CDH13: variants seen among roughly 807,000 people sequenced by gnomAD.
CDH13 encodes the protein cadherin-13.
A neutral mutation model predicts 63.8 loss-of-function variants in CDH13; 24 were observed. The ratio of observed to expected loss-of-function variants is 0.38; its 90% CI spans 0.27 to 0.53. The LOEUF (loss-of-function observed/expected upper bound fraction) is 0.53, where lower values mean the gene tolerates loss of function less well. Ranked by LOEUF, CDH13 falls within the 20% of genes least tolerant of loss-of-function variation. The probability of loss-of-function intolerance (pLI) is 0.85; values close to 1 mark genes in which losing one functional copy is unlikely to be tolerated. For synonymous variants in CDH13, 503 were observed against 355.3 expected, an observed-to-expected ratio of 1.42 and a Z score of -4.67; for missense variants, 1,049 against 903.1, an observed-to-expected ratio of 1.16 and a Z score of -2.07.
intron 2 of CDH13, among the ~76,000 whole-genome samples, chr16:83,023,767 A>G (rs1378045433): frequency 2.6e-5 from 4 of 152,198 alleles, no homozygotes; most frequent in African/African-American, 9.7e-5. Context: ...AACATGAAAC[A>G]CAATGCAGGG....
intron 1 of CDH13, among the ~76,000 whole-genome samples, chr16:82,646,886 T>TC (rs1250157564): frequency 2.6e-5 from 4 of 152,100 alleles, no homozygotes; most frequent in Non-Finnish European, 5.9e-5. Context: ...CACAGCACGT[T>TC]CAGGGGGTAA....
chr16:83,478,017 T>TA (rs1421985335), intron 6 of CDH13, among the ~76,000 whole-genome samples: 4 of 151,692 alleles, frequency 2.6e-5, no homozygotes, highest in Non-Finnish European at 5.9e-5. Context: ...TCATCTCTAC[T>TA]AAAAATATAA....
chr16:83,562,964 G>A (rs1299160132), intron 7 of CDH13, among the ~76,000 whole-genome samples: 1 of 152,178 alleles, frequency 6.6e-6, no homozygotes, highest in Non-Finnish European at 1.5e-5. Context: ...GCTGGTAGAG[G>A]GACAAGTCCC....
Position 83,074,326 on chromosome 16 carries a change from C to G in CDH13, c.366+42108C>G, listed in dbSNP as rs538553684. 4.6e-5 allele frequency among the ~76,000 whole-genome samples: 7 copies of G among 152,214 alleles called. No homozygotes were observed. In the South Asian group the frequency reaches 1.5e-3, roughly 32 times the overall value. ...TTGCAGCAAATAATATGATTTCGTTCTTTTTTATAGCCAAATAGTATTTCA... is the reference window on the plus strand; with the variant it reads ...TTGCAGCAAATAATATGATTTCGTTGTTTTTTATAGCCAAATAGTATTTCA... On this transcript the variant is annotated intron_variant, in intron 3 of 13. Transcript: ENST00000567109.
intron 1 of CDH13, among the ~76,000 whole-genome samples, chr16:82,662,573 C>T (rs760250193): frequency 2.6e-5 from 4 of 152,144 alleles, no homozygotes; most frequent in Non-Finnish European, 4.4e-5. Context: ...TAAATCCATC[C>T]CCACCACTAT....
chr16:82,766,562 C>G (rs1252822963), intron 1 of CDH13, among the ~76,000 whole-genome samples: 1 of 152,208 alleles, frequency 6.6e-6, no homozygotes. Context: ...TTCATTATCT[C>G]TCTCCTGAGG....
chr16:83,506,024 G>A (rs2074386909), intron 7 of CDH13, among the ~76,000 whole-genome samples: 1 of 152,202 alleles, frequency 6.6e-6, no homozygotes, highest in Non-Finnish European at 1.5e-5. Flanking sequence ...CAGGGAATGG[G>A]TAGAAGTGGA....
chr16:83,681,361 T>C (rs1004307601), intron 10 of CDH13, among the ~76,000 whole-genome samples: 2 of 152,168 alleles, frequency 1.3e-5, no homozygotes, highest in Non-Finnish European at 2.9e-5. Context: ...CCTAGCTGAG[T>C]GATGGCAGGA....
chr16:83,244,476 G>A (rs6565164), intron 5 of CDH13, among the ~76,000 whole-genome samples: 150,803 of 152,266 alleles, frequency 0.99, 74,699 homozygotes, highest in Middle Eastern at 1. Context: ...AACTGTGCTC[G>A]GTGTTTAACA....
rs530084081 is a variant in CDH13, at chr16:83,230,562, G to C, written c.636+13065G>C. 7.9e-5 allele frequency among the ~76,000 whole-genome samples: 12 copies of C among 152,320 alleles called. No homozygotes were observed. The South Asian group carries it at 2.5e-3, about 32-fold the overall frequency. On this transcript the variant is annotated intron_variant, in intron 5 of 13. Transcript: ENST00000567109. ...GCACTTTGGGAGGCCGAGGCTGGAA[G>C]ATCACCTGAGGTCAGGAGTTTGAGA...
At chr16:82,930,721 TTAAAA>T (rs1267397733) in intron 2 of CDH13, among the ~76,000 whole-genome samples, 4 of 152,150 alleles carry the variant, frequency 2.6e-5, no homozygotes, top group Non-Finnish European at 4.4e-5. Flanking sequence ...AACTAAGCAC[TTAAAA>T]TTAAAGCTAT....
intron 1 of CDH13, among the ~76,000 whole-genome samples, chr16:82,692,480 C>A (rs1915739909): frequency 6.6e-6 from 1 of 151,856 alleles, no homozygotes; most frequent in African/African-American, 2.4e-5. Context: ...CTTTATAAAA[C>A]CATCAGATCT....
At chr16:82,839,026 A>G (rs989705853) in intron 1 of CDH13, among the ~76,000 whole-genome samples, 6 of 152,256 alleles carry the variant, frequency 3.9e-5, no homozygotes, top group East Asian at 3.9e-4. Context: ...AGGTAAACCA[A>G]TGAGCATGGT....
rs567333858 is a variant in CDH13, at chr16:82,764,815, CT to C, written c.46-93531del. Among the ~76,000 whole-genome samples, 1,265 of 135,210 alleles carry C rather than the reference CT, an allele frequency of 9.4e-3. 8 individuals are homozygous for C. Among genetic ancestry groups the C allele is most frequent in the African/African-American group, 0.027 (1,010 of 36,946 alleles). The allele number at this position is 135,210 out of a possible 152,430, so 88.7% of individuals were successfully genotyped here. On this transcript the variant is annotated intron_variant, in intron 1 of 13. Coordinates refer to ENST00000567109, the MANE Select transcript of CDH13 (RefSeq NM_001257.5). Reference sequence around the variant, plus strand: ...TTCATCTTCATTCATTTCATTCATTCTTTTTTTTTTTTTTTTGAGATGGAGT... The same window carrying C: ...TTCATCTTCATTCATTTCATTCATTCTTTTTTTTTTTTTTTGAGATGGAGT...
intron 2 of CDH13, among the ~76,000 whole-genome samples, chr16:82,878,287 C>T (rs1189935464): frequency 2.0e-5 from 3 of 151,896 alleles, no homozygotes; most frequent in Non-Finnish European, 4.4e-5. Flanking sequence ...TTAGAAAGCC[C>T]TTTGCTCTCT....
At chr16:82,986,628 T>G (rs563530979) in intron 2 of CDH13, among the ~76,000 whole-genome samples, 2 of 152,324 alleles carry the variant, frequency 1.3e-5, no homozygotes, top group South Asian at 4.1e-4. Context: ...CCTGTGTCTC[T>G]TATTTTTCTA....
Position 83,030,611 on chromosome 16 carries a change from C to T in CDH13, c.158-1399C>T, listed in dbSNP as rs545386994. ...TCAGCCAAGATCGCGCCACTGCACT[C>T]CAGTCTGGATGACAGAGCAAGACTC... On this transcript the variant is annotated intron_variant, in intron 2 of 13. Transcript: ENST00000567109. Among the ~76,000 whole-genome samples, 24 of 142,800 alleles carry T rather than the reference C, an allele frequency of 1.7e-4. No individual in the cohort carries two copies. In the Middle Eastern group the frequency reaches 0.011, roughly 67 times the overall value. 93.7% of individuals were successfully genotyped at this position (142,800 alleles called of 152,430 possible). A position where few individuals can be genotyped will look rare whatever the true frequency, so the allele number is the denominator to read the frequency against.
Position 83,309,357 on chromosome 16 carries a change from T to G in CDH13, c.637-35505T>G, listed in dbSNP as rs372372002. Among the ~76,000 whole-genome samples the G allele has an allele frequency of 2.9e-4, 44 of 150,628 alleles. No individual in the cohort carries two copies. In the East Asian group the frequency reaches 6.4e-3, roughly 22 times the overall value. On this transcript the variant is annotated intron_variant, in intron 5 of 13. Transcript: ENST00000567109. ...TGTCCTTTGAGGGTCCAGGTCAGTC[T>G]CTGGAGGCACTCCCCTCTCTCCCTT...
intron 1 of CDH13, among the ~76,000 whole-genome samples, chr16:82,774,770 G>A (rs2035420080): frequency 6.6e-6 from 1 of 152,328 alleles, no homozygotes; most frequent in African/African-American, 2.4e-5. Context: ...CTCAGAGCCT[G>A]TGAGCGGGTT....
Sources: allele counts gnomAD v4.1 joint callset (sites outside exome capture counted in the v4.1 genomes callset), GRCh38; gene constraint gnomAD v4.1.1; transcripts MANE v1.5; gene names NCBI Gene and HGNC (gene_info 2026-07-23, HGNC 2026-07-21).